Variants in CNNM4 observed in about 807,000 individuals in gnomAD.
CNNM4 encodes the protein metal transporter CNNM4.
CNNM4 carries 32 observed loss-of-function variants against 53.7 expected under a neutral mutation model. That is an observed-to-expected ratio of 0.60 (90% CI 0.45 to 0.80). CNNM4 has a LOEUF of 0.80. CNNM4 is among the 30% of genes least tolerant of loss of function. The probability of loss-of-function intolerance (pLI) is 0.00; values close to 1 mark genes in which losing one functional copy is unlikely to be tolerated. For synonymous variants in CNNM4, 410 were observed against 440.0 expected, an observed-to-expected ratio of 0.93 and a Z score of 0.85; for missense variants, 784 against 1,022.0, an observed-to-expected ratio of 0.77 and a Z score of 3.17.
chr2:96,781,689 C>T (rs2078977330), intron 1 of CNNM4, among the ~76,000 whole-genome samples: 2 of 152,128 alleles, frequency 1.3e-5, no homozygotes, highest in African/African-American at 4.8e-5. Context: ...GACCTCATTA[C>T]ATGTTTGATT....
At chr2:96,792,447 C>G (rs1410226119) in intron 1 of CNNM4, among the ~76,000 whole-genome samples, 1 of 151,942 alleles carries the variant, frequency 6.6e-6, no homozygotes, top group Non-Finnish European at 1.5e-5. Flanking sequence ...TCCCCTTCCC[C>G]GCTCCCCTTC....
intron 5 of CNNM4, among the ~76,000 whole-genome samples, chr2:96,806,736 G>T (rs1256274309): frequency 2.0e-5 from 3 of 152,044 alleles, no homozygotes; most frequent in African/African-American, 4.8e-5. Flanking sequence ...TTCTTTGTGC[G>T]TTTCATGGTT....
intron 5 of CNNM4, among the ~76,000 whole-genome samples, chr2:96,803,399 A>C (rs548404120): frequency 6.6e-6 from 1 of 152,204 alleles, no homozygotes; most frequent in South Asian, 2.1e-4. Flanking sequence ...TGTCCTTAGG[A>C]TATCCTTTCA....
chr2:96,780,049 C>T (rs576776686), intron 1 of CNNM4, among the ~76,000 whole-genome samples: 1 of 152,280 alleles, frequency 6.6e-6, no homozygotes, highest in South Asian at 2.1e-4. Flanking sequence ...ATCTGCCCGT[C>T]TTGGCCTCCC....
chr2:96,773,031 C>T (rs2078893625), intron 1 of CNNM4, among the ~76,000 whole-genome samples: 2 of 152,214 alleles, frequency 1.3e-5, no homozygotes, highest in Admixed American at 1.3e-4. Flanking sequence ...TTCACACCCA[C>T]CTGCTAACCC....
chr2:96,790,565 G>A (rs1211336573), intron 1 of CNNM4, among the ~76,000 whole-genome samples: 1 of 148,450 alleles, frequency 6.7e-6, no homozygotes. Flanking sequence ...TGTTGGTCAG[G>A]CTGGTCTCAA....
intron 5 of CNNM4, among the ~76,000 whole-genome samples, chr2:96,804,275 G>A (rs1283324045): frequency 6.7e-6 from 1 of 150,240 alleles, no homozygotes; most frequent in Non-Finnish European, 1.5e-5. Flanking sequence ...CGACGCCCAG[G>A]CTGGAGTGCA....
intron 1 of CNNM4, among the ~76,000 whole-genome samples, chr2:96,769,820 G>A (rs17119591): frequency 0.069 from 10,570 of 152,238 alleles, 421 homozygotes; most frequent in Middle Eastern, 0.16. Context: ...CCGGTTCTCC[G>A]TCAGCCCTGC....
rs369873796 is a variant in CNNM4, at chr2:96,762,205, A to G, written c.1206A>G (p.Glu402=). The G allele has an allele frequency of 4.3e-6, 7 of 1,614,190 alleles. No homozygotes were observed. The highest frequency in any genetic ancestry group is 5.9e-6 in the Non-Finnish European group (7 of 1,180,032). ...LDFNTMSEIM[E]SGYTRIPVFE... ...TCAACACCATGTCGGAGATAATGGA[A>G]AGCGGCTATACTCGCATCCCGGTGT... The change falls in exon 1 of 7, where the codon GAA becomes GAG. Residue 402 remains glutamate (E), a synonymous_variant. Coordinates refer to ENST00000377075, the MANE Select transcript of CNNM4 (RefSeq NM_020184.4).
intron 4 of CNNM4, 148 bp downstream of exon 4, chr2:96,799,374 G>A: frequency 1.6e-6 from 2 of 1,247,302 alleles, no homozygotes; most frequent in Non-Finnish European, 2.3e-6. Flanking sequence ...GCCCCACGTG[G>A]CCATCCTCTC....
intron 1 of CNNM4, among the ~76,000 whole-genome samples, chr2:96,786,936 G>T (rs887638767): frequency 6.6e-6 from 1 of 152,036 alleles, no homozygotes; most frequent in South Asian, 2.1e-4. Context: ...ATAAAAAATA[G>T]CATGTGAAGT....
chr2:96,790,258 G>A (rs1178911863), intron 1 of CNNM4, among the ~76,000 whole-genome samples: 1 of 151,376 alleles, frequency 6.6e-6, no homozygotes, highest in Non-Finnish European at 1.5e-5. Context: ...CACGCGCCTC[G>A]GTCTCCCAAA....
At chr2:96,777,122 G>A (rs1462367606) in intron 1 of CNNM4, among the ~76,000 whole-genome samples, 1 of 152,072 alleles carries the variant, frequency 6.6e-6, no homozygotes, top group South Asian at 2.1e-4. Context: ...CTGGGTTCAG[G>A]CAATTCTCCT....
chr2:96,774,440 T>TA (rs1316878044), intron 1 of CNNM4, among the ~76,000 whole-genome samples: 21 of 150,954 alleles, frequency 1.4e-4, no homozygotes, highest in Non-Finnish European at 2.2e-4. Flanking sequence ...ATTAAAAAGT[T>TA]AAAAAAAAAG....
rs568400862 is a variant in CNNM4, at chr2:96,811,847, T to G, written c.*2330T>G. On this transcript the variant is annotated 3_prime_UTR_variant, in exon 7 of 7. Coordinates refer to ENST00000377075, the MANE Select transcript of CNNM4 (RefSeq NM_020184.4). The stretch of plus-strand genomic sequence containing the variant: ...ACGATATATGGAATTTATTTTTGAT[T>G]GGTAATAAAAAATCAAATATGTATA... 7 of 152,726 alleles carry G rather than the reference T, an allele frequency of 4.6e-5. No homozygotes were observed. The South Asian group carries it at 1.4e-3, about 32-fold the overall frequency. The allele number at this position is 152,726 out of a possible 1,614,324, so 9.5% of individuals were successfully genotyped here.
At chr2:96,763,141 G>A (rs892961671) in intron 1 of CNNM4, among the ~76,000 whole-genome samples, 2 of 152,178 alleles carry the variant, frequency 1.3e-5, no homozygotes, top group African/African-American at 4.8e-5. Context: ...GAAGCAAGCA[G>A]ATTAAGTTTT....
At chr2:96,805,440 A>AATTTTTT (rs2079194974) in intron 5 of CNNM4, among the ~76,000 whole-genome samples, 28 of 87,440 alleles carry the variant, frequency 3.2e-4, no homozygotes, top group Non-Finnish European at 3.9e-4. Flanking sequence ...TTTTTTTTTT[A>AATTTTTT]TTATTTTTTT....
intron 1 of CNNM4, among the ~76,000 whole-genome samples, chr2:96,766,162 C>T (rs1319925597): frequency 1.3e-5 from 2 of 149,798 alleles, no homozygotes; most frequent in East Asian, 2.0e-4. Context: ...GCAACCTCCA[C>T]CTCCCAGGTT....
At chr2:96,792,524 T>A (rs1320364923) in intron 1 of CNNM4, among the ~76,000 whole-genome samples, 1 of 151,920 alleles carries the variant, frequency 6.6e-6, no homozygotes, top group Non-Finnish European at 1.5e-5. Flanking sequence ...CAGGAGGGAC[T>A]GGTCACGGTG....
Sources: allele counts gnomAD v4.1 joint callset (sites outside exome capture counted in the v4.1 genomes callset), GRCh38; gene constraint gnomAD v4.1.1; transcripts MANE v1.5; gene names NCBI Gene and HGNC (gene_info 2026-07-23, HGNC 2026-07-21).